TEX9: variants seen among roughly 807,000 people sequenced by gnomAD.
TEX9 encodes testis-expressed protein 9.
Under a neutral mutation model 59.6 loss-of-function variants are expected in TEX9, and 74 were observed. The observed-to-expected ratio is 1.24, with a 90% CI of 1.03 to 1.51. The LOEUF (loss-of-function observed/expected upper bound fraction) is 1.51. TEX9 is among the 40% of genes most tolerant of loss of function. The pLI, the probability that TEX9 is intolerant of heterozygous loss-of-function variation, is 0.00. For synonymous variants in TEX9, 186 were observed against 152.2 expected (o/e 1.22, Z -1.64); for missense variants, 522 against 447.8 (o/e 1.17, Z -1.49).
intron 2 of TEX9, among the ~76,000 whole-genome samples, chr15:56,368,662 TTCATA>T (rs2047054379): frequency 6.6e-6 from 1 of 152,154 alleles, no homozygotes; most frequent in Non-Finnish European, 1.5e-5. Context: ...TAGAAAAGTG[TTCATA>T]TCATGTATGT....
At chr15:56,266,270 G>A (rs1360970992) in intron 1 of TEX9, among the ~76,000 whole-genome samples, 1 of 151,428 alleles carries the variant, frequency 6.6e-6, no homozygotes, top group Non-Finnish European at 1.5e-5. Context: ...GGGACTACAG[G>A]TGTGCACCAC....
intron 4 of TEX9, 131 bp downstream of exon 4, chr15:56,384,162 C>A: frequency 1.6e-6 from 1 of 619,412 alleles, no homozygotes; most frequent in Non-Finnish European, 2.8e-6. Flanking sequence ...GGGGCTTATA[C>A]CAATCAGACA....
intron 1 of TEX9, among the ~76,000 whole-genome samples, chr15:56,310,115 G>A (rs1195934360): frequency 6.6e-6 from 1 of 152,172 alleles, no homozygotes; most frequent in South Asian, 2.1e-4. Context: ...TCCTAGGGAC[G>A]TGGCTTTGAT....
intron 1 of TEX9, among the ~76,000 whole-genome samples, chr15:56,327,440 AAGC>A (rs746296867): frequency 1.3e-5 from 2 of 152,210 alleles, no homozygotes; most frequent in Non-Finnish European, 2.9e-5. Flanking sequence ...GGAGGGGGTG[AAGC>A]AAGATGGCAA....
At chr15:56,328,894 T>G (rs1018361710) in intron 1 of TEX9, among the ~76,000 whole-genome samples, 3 of 152,208 alleles carry the variant, frequency 2.0e-5, no homozygotes, top group African/African-American at 7.2e-5. Context: ...CCTGGCTGGC[T>G]TCACCACCTG....
At chr15:56,412,812 A>G (rs1052589866) in intron 10 of TEX9, among the ~76,000 whole-genome samples, 4 of 152,176 alleles carry the variant, frequency 2.6e-5, no homozygotes, top group Non-Finnish European at 5.9e-5. Context: ...GTAAGGCTCT[A>G]TTTTACAGGG....
chr15:56,417,829 AG>A (rs2049771863), intron 10 of TEX9, among the ~76,000 whole-genome samples: 1 of 151,838 alleles, frequency 6.6e-6, no homozygotes, highest in South Asian at 2.1e-4. Flanking sequence ...GTCTCTTTGT[AG>A]GTTTCTAAGA....
At chr15:56,455,992 TC>T in the TEX9 span, among the ~76,000 whole-genome samples, 1 of 152,088 alleles carries the variant, frequency 6.6e-6, no homozygotes, top group Non-Finnish European at 1.5e-5. Flanking sequence ...AGACTAAAGT[TC>T]CTACTGCAGT....
At chr15:56,389,228 G>C (rs180670738) in intron 5 of TEX9, 90 bp from the exon 6 acceptor site, 1 of 991,214 alleles carries the variant, frequency 1.0e-6, no homozygotes, top group East Asian at 2.5e-5. Context: ...CAGTTTTTCT[G>C]TGTAGCAAAA....
chr15:56,433,051 A>G (rs568255292), intron 12 of TEX9, among the ~76,000 whole-genome samples: 1 of 152,294 alleles, frequency 6.6e-6, no homozygotes, highest in East Asian at 1.9e-4. Flanking sequence ...TTCCCTCTCC[A>G]ACACTTAAAT....
intron 3 of TEX9, among the ~76,000 whole-genome samples, chr15:56,376,854 A>G (rs146695126): frequency 1.3e-5 from 2 of 152,176 alleles, no homozygotes; most frequent in Non-Finnish European, 2.9e-5. Context: ...AGTTTCCCCA[A>G]TGTTTTCTTA....
At position 56,373,440 on chromosome 15, in the gene TEX9, G is replaced by T. The variant is rs1419252529; in HGVS notation, c.120-1G>T. 2 of 1,588,748 alleles carry T rather than the reference G, an allele frequency of 1.3e-6. No individual in the cohort carries two copies. Among genetic ancestry groups the T allele is most frequent in the South Asian group, 1.2e-5 (1 of 86,334 alleles). On this transcript the variant is annotated splice_acceptor_variant, in intron 2 of 12. Transcript: ENST00000352903. LOFTEE classifies it high-confidence loss of function. ...ATATCCCAATTATTTTCTGCTTTTA[G>T]GCGTTTAAATGCAGAATTGCAGGCA... is the stretch of plus-strand genomic sequence containing the variant.
chr15:56,343,881 A>G (rs2046417348), intron 1 of TEX9, among the ~76,000 whole-genome samples: 1 of 152,208 alleles, frequency 6.6e-6, no homozygotes, highest in Non-Finnish European at 1.5e-5. Flanking sequence ...ATTTCTCCAA[A>G]GAAAACGTAA....
At chr15:56,244,550 T>G (rs1208373296) in intron 1 of TEX9, among the ~76,000 whole-genome samples, 1 of 152,072 alleles carries the variant, frequency 6.6e-6, no homozygotes, top group Non-Finnish European at 1.5e-5. Flanking sequence ...CCTTCGTGCC[T>G]TTGCTCATGC....
At chr15:56,414,090 G>T (rs1263768368) in intron 10 of TEX9, among the ~76,000 whole-genome samples, 1 of 151,736 alleles carries the variant, frequency 6.6e-6, no homozygotes, top group Non-Finnish European at 1.5e-5. Flanking sequence ...CAGGGATTTT[G>T]AAGAAAATGA....
chr15:56,255,691 T>C (rs2044129843), intron 1 of TEX9, among the ~76,000 whole-genome samples: 1 of 152,046 alleles, frequency 6.6e-6, no homozygotes, highest in Non-Finnish European at 1.5e-5. Context: ...TGAACCTTTA[T>C]AAATCTAAGA....
chr15:56,375,655 C>T lies in TEX9; in HGVS notation c.183+2151C>T, dbSNP rs1358594158. On this transcript the variant is annotated intron_variant, in intron 3 of 12. Transcript: ENST00000352903. ...AGGGTTTTTATGGTTTTAGGTGTAA[C>T]GTTTAAGTCTTTAATCCATCTTGAA... 3.9e-5 allele frequency among the ~76,000 whole-genome samples: 6 copies of T among 152,198 alleles called. No homozygotes were observed. The East Asian group carries it at 5.8e-4, about 15-fold the overall frequency.
At chr15:56,393,380 G>C (rs1479985069) in intron 7 of TEX9, among the ~76,000 whole-genome samples, 5 of 152,128 alleles carry the variant, frequency 3.3e-5, no homozygotes, top group Admixed American at 6.6e-5. Context: ...AGTGTGTATG[G>C]AGATGTTTTA....
intron 1 of TEX9, among the ~76,000 whole-genome samples, chr15:56,246,091 A>C (rs2043848137): frequency 6.6e-6 from 1 of 152,180 alleles, no homozygotes; most frequent in South Asian, 2.1e-4. Flanking sequence ...GTTTTATAAA[A>C]AGTTCGCTAC....
Sources: allele counts gnomAD v4.1 joint callset (sites outside exome capture counted in the v4.1 genomes callset), GRCh38; gene constraint gnomAD v4.1.1; transcripts MANE v1.5; gene names NCBI Gene and HGNC (gene_info 2026-07-23, HGNC 2026-07-21).